OSBPL8: variants seen among roughly 807,000 people sequenced by gnomAD.
The protein encoded by OSBPL8 is oxysterol-binding protein-related protein 8.
In OSBPL8, 59 loss-of-function variants were observed where a neutral mutation model predicts 125.5. The ratio of observed to expected loss-of-function variants is 0.47; its 90% CI spans 0.38 to 0.58. The LOEUF is 0.58. Ranked by LOEUF, OSBPL8 falls within the 20% of genes least tolerant of loss-of-function variation. The pLI is 0.00. For synonymous variants in OSBPL8, 330 were observed against 338.9 expected (o/e 0.97, Z 0.29); for missense variants, 758 against 1,047.8 (o/e 0.72, Z 3.82).
intron 21 of OSBPL8, among the ~76,000 whole-genome samples, chr12:76,363,100 T>C (rs949679508): frequency 2.0e-5 from 3 of 152,216 alleles, no homozygotes; most frequent in African/African-American, 7.2e-5. Context: ...AAAATGGCCA[T>C]ACGGCCATAA....
chr12:76,547,762 C>T (rs1026288021), intron 1 of OSBPL8, among the ~76,000 whole-genome samples: 2 of 152,130 alleles, frequency 1.3e-5, no homozygotes, highest in South Asian at 4.1e-4. Context: ...TTCCCTGGAG[C>T]AAAGTCACTA....
chr12:76,557,522 T>C (rs1009428820), intron 1 of OSBPL8, among the ~76,000 whole-genome samples: 1 of 148,988 alleles, frequency 6.7e-6, no homozygotes, highest in Non-Finnish European at 1.5e-5. Context: ...GGCTGAAGCA[T>C]AAGAATCTCT....
At chr12:76,551,340 T>C (rs1033243546) in intron 1 of OSBPL8, among the ~76,000 whole-genome samples, 4 of 152,308 alleles carry the variant, frequency 2.6e-5, no homozygotes, top group South Asian at 2.1e-4. Flanking sequence ...CCAGGGAACA[T>C]CTGGCAATAT....
chr12:76,389,529 G>A (rs560362268), intron 12 of OSBPL8, 116 bp downstream of exon 12: 3 of 782,704 alleles, frequency 3.8e-6, no homozygotes, highest in Admixed American at 5.5e-5. Context: ...AGAGAACAGA[G>A]AGTGATGTCT....
intron 4 of OSBPL8, among the ~76,000 whole-genome samples, chr12:76,436,886 A>T (rs561608501): frequency 6.6e-6 from 1 of 152,294 alleles, no homozygotes; most frequent in Non-Finnish European, 1.5e-5. Context: ...GTTTTATCAC[A>T]TATCTATCCC....
At chr12:76,374,534 A>C (rs1385366753) in intron 17 of OSBPL8, among the ~76,000 whole-genome samples, 1 of 152,136 alleles carries the variant, frequency 6.6e-6, no homozygotes, top group Non-Finnish European at 1.5e-5. Context: ...TGAAACCCTC[A>C]ACTGCCAAGT....
intron 11 of OSBPL8, chr12:76,390,194 A>G: frequency 4.4e-6 from 2 of 451,668 alleles, no homozygotes; most frequent in Non-Finnish European, 7.7e-6. Flanking sequence ...ATCAAGCTTG[A>G]AGAAAATGTA....
chr12:76,354,092 T>G lies in OSBPL8; in HGVS notation c.*1797A>C, dbSNP rs1951905809. ...TAAAAAAGATCAAATTGTACAATATTTACAGAATATCATATATCAATGAAT... is the reference window on the plus strand; with the variant it reads ...TAAAAAAGATCAAATTGTACAATATGTACAGAATATCATATATCAATGAAT... On this transcript the variant is annotated 3_prime_UTR_variant, in exon 24 of 24. Coordinates refer to ENST00000261183, the MANE Select transcript of OSBPL8 (RefSeq NM_020841.5). 6.6e-6 allele frequency: 1 copy of G among 152,296 alleles called. No individual in the cohort carries two copies. The highest frequency in any genetic ancestry group is 6.6e-5 in the Admixed American group (1 of 15,256). The allele number at this position is 152,296 out of a possible 1,614,324, so 9.4% of individuals were successfully genotyped here.
chr12:76,505,866 AT>A (rs1170750131), intron 1 of OSBPL8, among the ~76,000 whole-genome samples: 2 of 152,168 alleles, frequency 1.3e-5, no homozygotes, highest in Admixed American at 6.5e-5. Context: ...AAGGACTTTA[AT>A]TTTTTTACTC....
intron 1 of OSBPL8, among the ~76,000 whole-genome samples, chr12:76,556,229 C>T (rs1430787507): frequency 6.6e-6 from 1 of 152,072 alleles, no homozygotes; most frequent in African/African-American, 2.4e-5. Context: ...CAGACAAGGT[C>T]CTTGCTATCA....
At chr12:76,433,485 TAAAC>T (rs1871091325) in intron 4 of OSBPL8, among the ~76,000 whole-genome samples, 1 of 150,508 alleles carries the variant, frequency 6.6e-6, no homozygotes, top group South Asian at 2.1e-4. Flanking sequence ...TACTTAGAAA[TAAAC>T]AAAAAGAGGT....
intron 1 of OSBPL8, among the ~76,000 whole-genome samples, chr12:76,506,689 C>T (rs1313104654): frequency 6.6e-6 from 1 of 151,966 alleles, no homozygotes; most frequent in Non-Finnish European, 1.5e-5. Flanking sequence ...ATGATAAATG[C>T]CCTAAATTCC....
chr12:76,386,716 C>T, intron 12 of OSBPL8, 56 bp from the exon 13 acceptor site: 4 of 1,240,136 alleles, frequency 3.2e-6, no homozygotes, highest in Non-Finnish European at 4.6e-6. Context: ...AATTCTCTCT[C>T]ACATTTATTA....
At chr12:76,385,799 A>G (rs1008077053) in intron 14 of OSBPL8, among the ~76,000 whole-genome samples, 1 of 152,092 alleles carries the variant, frequency 6.6e-6, no homozygotes, top group African/African-American at 2.4e-5. Flanking sequence ...TAAATTTGGA[A>G]AAGATATAAA....
intron 19 of OSBPL8, among the ~76,000 whole-genome samples, chr12:76,370,912 G>A (rs1216072314): frequency 2.6e-5 from 4 of 152,282 alleles, no homozygotes; most frequent in African/African-American, 9.6e-5. Flanking sequence ...TAGGGAATGT[G>A]TATACAATAT....
chr12:76,523,754 C>T (rs962746796), intron 1 of OSBPL8, among the ~76,000 whole-genome samples: 3 of 152,150 alleles, frequency 2.0e-5, no homozygotes, highest in Non-Finnish European at 4.4e-5. Flanking sequence ...TTCCAGCCCC[C>T]AGAACTGTAG....
chr12:76,388,502 AT>A lies in OSBPL8; in HGVS notation c.1352+1142del, dbSNP rs373251873. Among the ~76,000 whole-genome samples the A allele has an allele frequency of 4.8e-4, 73 of 152,338 alleles. No individual in the cohort carries two copies. In the East Asian group the frequency reaches 0.011, roughly 23 times the overall value. ...TGTGATTCACAGGAATTTGCCTTAC[AT>A]TCTGAGAGAAATGAATTTCTAGACC... On this transcript the variant is annotated intron_variant, in intron 12 of 23. Coordinates refer to ENST00000261183, the MANE Select transcript of OSBPL8 (RefSeq NM_020841.5).
At chr12:76,375,152 C>G in intron 17 of OSBPL8, 121 bp downstream of exon 17, 1 of 631,242 alleles carries the variant, frequency 1.6e-6, no homozygotes, top group Non-Finnish European at 2.6e-6. Context: ...TTATCCTTGA[C>G]ATGACATAAA....
At chr12:76,540,683 T>TAA (rs879331519) in intron 1 of OSBPL8, among the ~76,000 whole-genome samples, 5 of 143,014 alleles carry the variant, frequency 3.5e-5, no homozygotes, top group Admixed American at 7.1e-5. Flanking sequence ...ATTTTTTCTT[T>TAA]AAAAAAAAAA....
Sources: gnomAD v4.1 joint callset for allele counts (sites outside exome capture counted in the v4.1 genomes callset) on GRCh38, gnomAD v4.1.1 for gene constraint, MANE v1.5 for transcripts, NCBI Gene and HGNC (gene_info 2026-07-23, HGNC 2026-07-21) for gene names.